Variants in ZNF236 observed in about 807,000 individuals in gnomAD.
ZNF236 encodes the protein regulated by glucose.
ZNF236 carries 50 observed loss-of-function variants against 191.2 expected under a neutral mutation model. That is an observed-to-expected ratio of 0.26 (90% confidence interval 0.21 to 0.33). The LOEUF is 0.33. ZNF236 is among the 10% of genes least tolerant of loss of function. The probability of loss-of-function intolerance (pLI) is 1.00; values close to 1 mark genes in which losing one functional copy is unlikely to be tolerated. For synonymous variants in ZNF236, 907 were observed against 928.8 expected (o/e 0.98, Z 0.43); for missense variants, 1,754 against 2,374.5 (o/e 0.74, Z 5.43).
At position 76,963,191 on chromosome 18, in the gene ZNF236, G is replaced by A. The variant is rs144288542; in HGVS notation, c.5419+2336G>A. ...GAAAGCTTTTAACTTTTCATCATTC[G>A]ATATTATGTTGGCTGTGGGTTTGTC... On this transcript the variant is annotated intron_variant, in intron 30 of 30. Transcript: ENST00000320610. Among the ~76,000 whole-genome samples, 78 of 152,132 alleles carry A rather than the reference G, an allele frequency of 5.1e-4. No homozygotes were observed. In the Middle Eastern group the frequency reaches 0.01, roughly 20 times the overall value.
chr18:76,966,740 A>G (rs545952918), intron 30 of ZNF236, among the ~76,000 whole-genome samples: 2 of 152,254 alleles, frequency 1.3e-5, no homozygotes, highest in South Asian at 2.1e-4. Flanking sequence ...CCTTCAGAGT[A>G]TGGATATTGG....
At chr18:76,915,001 A>G (rs892916497) in intron 18 of ZNF236, among the ~76,000 whole-genome samples, 2 of 152,174 alleles carry the variant, frequency 1.3e-5, no homozygotes, top group Non-Finnish European at 2.9e-5. Flanking sequence ...TGGATACTGG[A>G]AAGATTGCTG....
intron 10 of ZNF236, among the ~76,000 whole-genome samples, chr18:76,896,073 A>T (rs1180622728): frequency 6.6e-6 from 1 of 151,402 alleles, no homozygotes; most frequent in Non-Finnish European, 1.5e-5. Flanking sequence ...AGTACCAAAC[A>T]CAGTACTAAA....
intron 1 of ZNF236, among the ~76,000 whole-genome samples, chr18:76,836,402 T>A (rs943616985): frequency 4.0e-5 from 6 of 151,466 alleles, no homozygotes; most frequent in Admixed American, 2.6e-4. Context: ...TTATGTTTTA[T>A]TTTTTAAAGA....
At chr18:76,951,718 G>C (rs952664709) in intron 27 of ZNF236, among the ~76,000 whole-genome samples, 1 of 152,142 alleles carries the variant, frequency 6.6e-6, no homozygotes, top group Admixed American at 6.5e-5. Flanking sequence ...TCACAAGTTG[G>C]CTAATAGTTT....
Position 76,910,444 on chromosome 18 carries a change from G to C in ZNF236, c.2654-216G>C, listed in dbSNP as rs550710194. Among the ~76,000 whole-genome samples the C allele has an allele frequency of 7.2e-5, 11 of 152,254 alleles. No homozygotes were observed. The East Asian group carries it at 1.9e-3, about 27-fold the overall frequency. On this transcript the variant is annotated intron_variant, in intron 15 of 30. Coordinates refer to ENST00000320610, the MANE Select transcript of ZNF236 (RefSeq NM_001306089.2). ...TAGAAATTGGAACTTCGTGGTGGCT[G>C]GTCCTGTAAAGCCTCCGGTGCTGTA...
At chr18:76,876,758 GA>G (rs1442503675) in intron 6 of ZNF236, among the ~76,000 whole-genome samples, 1 of 152,176 alleles carries the variant, frequency 6.6e-6, no homozygotes, top group Admixed American at 6.5e-5. Context: ...GGGTGAAGAT[GA>G]TTGCATAGGA....
intron 27 of ZNF236, among the ~76,000 whole-genome samples, chr18:76,951,178 CT>C (rs772219285): frequency 1.3e-5 from 2 of 152,220 alleles, no homozygotes; most frequent in Non-Finnish European, 2.9e-5. Context: ...TGAGCATTGG[CT>C]TCAACTTAAA....
In ZNF236 at chr18:76,854,571, T is replaced by C. The variant is rs578230485; in HGVS notation, c.363+2632T>C. Among the ~76,000 whole-genome samples the C allele has an allele frequency of 4.5e-5, 6 of 134,360 alleles. No homozygotes were observed. In the East Asian group the frequency reaches 8.2e-4, roughly 18 times the overall value. The allele number at this position is 134,360 out of a possible 152,430, so 88.1% of individuals were successfully genotyped here. A position where few individuals can be genotyped will look rare whatever the true frequency, so the allele number is the denominator to read the frequency against. ...GAGTTTGAGACTAGCCTGGGCAACA[T>C]AGACTGTCACTACAAAAAAAAAAAA... is the stretch of plus-strand genomic sequence containing the variant. On this transcript the variant is annotated intron_variant, in intron 3 of 30. Coordinates refer to ENST00000320610, the MANE Select transcript of ZNF236 (RefSeq NM_001306089.2).
At position 76,856,689 on chromosome 18, in the gene ZNF236, T is replaced by C. The variant is rs1453726593; in HGVS notation, c.363+4750T>C. Among the ~76,000 whole-genome samples, 5 of 152,210 alleles carry C rather than the reference T, an allele frequency of 3.3e-5. 1 individual carries two copies. The South Asian group carries it at 6.2e-4, about 19-fold the overall frequency. The stretch of plus-strand genomic sequence containing the variant: ...GGATGTGTGGGGATTATTGGTCTTA[T>C]TCTTGCAAACTTGTGTAAAGTATTT... On this transcript the variant is annotated intron_variant, in intron 3 of 30. Coordinates refer to ENST00000320610, the MANE Select transcript of ZNF236 (RefSeq NM_001306089.2).
At chr18:76,936,996 C>T (rs1455867219) in intron 25 of ZNF236, among the ~76,000 whole-genome samples, 160 bp from the exon 26 acceptor site, 8 of 152,154 alleles carry the variant, frequency 5.3e-5, no homozygotes, top group Admixed American at 5.2e-4. Flanking sequence ...AAGCCTTATC[C>T]TAAAATTAGA....
chr18:76,903,308 C>T (rs999471729), intron 11 of ZNF236, among the ~76,000 whole-genome samples: 2 of 152,020 alleles, frequency 1.3e-5, no homozygotes, highest in African/African-American at 2.4e-5. Flanking sequence ...TGGCAAATGC[C>T]GAGTACAGGA....
chr18:76,873,715 C>T (rs764595109), intron 5 of ZNF236, among the ~76,000 whole-genome samples: 30 of 152,214 alleles, frequency 2.0e-4, no homozygotes, highest in South Asian at 4.1e-4. Context: ...ATTGCAGCAT[C>T]GTCATCTAGA....
At chr18:76,905,482 T>C in intron 13 of ZNF236, 67 bp downstream of exon 13, 1 of 1,526,564 alleles carries the variant, frequency 6.6e-7, no homozygotes, top group Non-Finnish European at 8.9e-7. Context: ...GGGGAGTGTT[T>C]TTAGGAAATA....
intron 3 of ZNF236, among the ~76,000 whole-genome samples, chr18:76,856,918 C>T (rs1298400091): frequency 2.0e-5 from 3 of 152,216 alleles, no homozygotes; most frequent in East Asian, 1.9e-4. Flanking sequence ...ATATTCCACA[C>T]GTCTGGAACA....
intron 9 of ZNF236, among the ~76,000 whole-genome samples, chr18:76,881,805 G>A (rs1976910531): frequency 6.6e-6 from 1 of 152,142 alleles, no homozygotes; most frequent in Admixed American, 6.5e-5. Context: ...TGTTGTCTCC[G>A]ACTGTTCTCT....
At chr18:76,914,316 A>G (rs1967298248) in intron 18 of ZNF236, among the ~76,000 whole-genome samples, 1 of 152,196 alleles carries the variant, frequency 6.6e-6, no homozygotes, top group Non-Finnish European at 1.5e-5. Context: ...TTATTGATCC[A>G]TTCATCGGGT....
intron 20 of ZNF236, among the ~76,000 whole-genome samples, chr18:76,921,007 TAAAAC>T (rs1427986579): frequency 1.3e-5 from 2 of 152,218 alleles, no homozygotes; most frequent in African/African-American, 4.8e-5. Context: ...AGCAACTTAA[TAAAAC>T]AAACCGTGAA....
At chr18:76,884,429 G>C (rs1368986261) in intron 9 of ZNF236, among the ~76,000 whole-genome samples, 2 of 152,022 alleles carry the variant, frequency 1.3e-5, no homozygotes, top group Non-Finnish European at 2.9e-5. Context: ...ATTTATCGTG[G>C]TGAAATATTG....
Sources: gnomAD v4.1 joint callset for allele counts (sites outside exome capture counted in the v4.1 genomes callset) on GRCh38, gnomAD v4.1.1 for gene constraint, MANE v1.5 for transcripts, NCBI Gene and HGNC (gene_info 2026-07-23, HGNC 2026-07-21) for gene names.